Variants in PFKFB1 observed in about 807,000 individuals in gnomAD.
The protein encoded by PFKFB1 is 6-phosphofructo-2-kinase/fructose-2,6-biphosphatase 1.
Under a neutral mutation model 46.4 loss-of-function variants are expected in PFKFB1, and 34 were observed. That is an observed-to-expected ratio of 0.73 (90% CI 0.56 to 0.98). The LOEUF (loss-of-function observed/expected upper bound fraction) is 0.98, where lower values mean the gene tolerates loss of function less well. Ranked by LOEUF, PFKFB1 falls within the 50% of genes least tolerant of loss-of-function variation. PFKFB1 has a pLI of 0.00. For missense variants in PFKFB1, 393 were observed against 376.3 expected, an observed-to-expected ratio of 1.04 and a Z score of -0.37; for synonymous variants, 119 against 133.8, an observed-to-expected ratio of 0.89 and a Z score of 0.76.
rs184191810 is a variant in PFKFB1 at position 54,962,345 on chromosome X, G to A, written c.223+912C>T. Among the ~76,000 whole-genome samples, 100 of 112,034 alleles carry A rather than the reference G, an allele frequency of 8.9e-4. No individual in the cohort carries two copies. In the East Asian group the frequency reaches 0.014, roughly 16 times the overall value. The stretch of plus-strand genomic sequence containing the variant: ...TGTAGGAAGCTTTCCTTGCCTTCCA[G>A]TTGGCATATCCCTTTGTGATTTCAT... On this transcript the variant is annotated intron_variant, in intron 2 of 13. Transcript: ENST00000375006.
At chrX:54,933,496 A>G in intron 13 of PFKFB1, 34 bp from the exon 14 acceptor site, 3 of 1,109,217 alleles carry the variant, frequency 2.7e-6, no homozygotes, top group Non-Finnish European at 3.7e-6. Flanking sequence ...TAGGAAGGAG[A>G]CAGCAGTGCA....
intron 1 of PFKFB1, among the ~76,000 whole-genome samples, chrX:54,988,927 G>A (rs768695136): frequency 9.8e-5 from 11 of 112,137 alleles, no homozygotes; most frequent in Non-Finnish European, 2.1e-4. Flanking sequence ...GACTTTGCAT[G>A]CTACAACATG....
At chrX:54,936,967 GTT>G (rs775596246) in intron 11 of PFKFB1, among the ~76,000 whole-genome samples, 2 of 102,649 alleles carry the variant, frequency 1.9e-5, no homozygotes, top group African/African-American at 3.5e-5. Context: ...TGATATAACA[GTT>G]TTTTTTTTTT....
At chrX:54,981,287 A>C (rs1210998841) in intron 1 of PFKFB1, among the ~76,000 whole-genome samples, 1 of 111,355 alleles carries the variant, frequency 9.0e-6, no homozygotes, top group African/African-American at 3.3e-5. Context: ...GAAAAATCAT[A>C]ATAAAATTTC....
intron 1 of PFKFB1, among the ~76,000 whole-genome samples, chrX:54,979,352 C>T (rs1432236245): frequency 9.0e-6 from 1 of 111,154 alleles, no homozygotes; most frequent in African/African-American, 3.3e-5. Context: ...GTCACATTTT[C>T]CTCAAGCTCT....
At chrX:54,971,718 C>T (rs2146656749) in intron 1 of PFKFB1, among the ~76,000 whole-genome samples, 1 of 112,084 alleles carries the variant, frequency 8.9e-6, no homozygotes, top group African/African-American at 3.2e-5. Flanking sequence ...GGTACCAGTA[C>T]CATGCTGTTT....
At chrX:54,946,119 T>G (rs987344430) in intron 9 of PFKFB1, among the ~76,000 whole-genome samples, 5 of 110,841 alleles carry the variant, frequency 4.5e-5, no homozygotes, top group African/African-American at 1.6e-4. Context: ...TGTCTGTTAA[T>G]GTATATGTCC....
chrX:54,968,858 A>G (rs906537769), intron 1 of PFKFB1, among the ~76,000 whole-genome samples: 1 of 111,240 alleles, frequency 9.0e-6, no homozygotes, highest in Non-Finnish European at 1.9e-5. Flanking sequence ...AGGAAAATAC[A>G]TATCAACTTA....
At chrX:54,939,237 T>C (rs1356925638) in intron 10 of PFKFB1, among the ~76,000 whole-genome samples, 5 of 110,901 alleles carry the variant, frequency 4.5e-5, no homozygotes, top group Admixed American at 3.8e-4. Context: ...GGGACACATT[T>C]AAAGCAGTGT....
At chrX:54,958,418 G>T in intron 5 of PFKFB1, 56 bp from the exon 6 acceptor site, 1 of 746,734 alleles carries the variant, frequency 1.3e-6, no homozygotes, top group Non-Finnish European at 2.1e-6. Flanking sequence ...GGTAGGAGCT[G>T]AACATAGCTT....
At position 54,994,101 on chromosome X, in the gene PFKFB1, C is replaced by A; in HGVS notation, c.-94G>T. The A allele has an allele frequency of 8.8e-7, 1 of 1,140,395 alleles. No individual in the cohort carries two copies. The highest frequency in any genetic ancestry group is 1.8e-5 in the African/African-American group (1 of 55,979). The allele number at this position is 1,140,395 out of a possible 1,213,427, so 94.0% of individuals were successfully genotyped here. A position where few individuals can be genotyped will look rare whatever the true frequency, so the allele number is the denominator to read the frequency against. Reference sequence around the variant, plus strand: ...GTCTTTTCTCTCGCTGTGGCCACAGCAGCAGGTGGACAGGGCTGGGACAGG... The same window carrying A: ...GTCTTTTCTCTCGCTGTGGCCACAGAAGCAGGTGGACAGGGCTGGGACAGG... On this transcript the variant is annotated 5_prime_UTR_variant, in exon 1 of 14. Transcript: ENST00000375006.
chrX:54,960,036 C>A, intron 3 of PFKFB1, 143 bp from the exon 4 acceptor site: 1 of 501,404 alleles, frequency 2.0e-6, no homozygotes, highest in Admixed American at 3.1e-5. Context: ...GGGTGCCCTA[C>A]GCTTTAGGCA....
chrX:54,942,321 A>G (rs1262521608), intron 10 of PFKFB1, among the ~76,000 whole-genome samples: 4 of 111,479 alleles, frequency 3.6e-5, no homozygotes, highest in African/African-American at 9.8e-5. Context: ...GCAGCACACC[A>G]GCATGGCACA....
intron 1 of PFKFB1, among the ~76,000 whole-genome samples, chrX:54,973,808 T>C (rs897768762): frequency 5.4e-5 from 6 of 111,630 alleles, no homozygotes; most frequent in African/African-American, 1.6e-4. Context: ...GGAAAAAATG[T>C]ATATTCTGTT....
chrX:54,950,531 C>T (rs762414730), intron 8 of PFKFB1, among the ~76,000 whole-genome samples: 3 of 111,776 alleles, frequency 2.7e-5, no homozygotes, highest in Non-Finnish European at 3.8e-5. Context: ...GTCAAGGTGG[C>T]GCCAGCTGTG....
chrX:54,965,985 G>T (rs953388330), intron 1 of PFKFB1, among the ~76,000 whole-genome samples: 1 of 109,020 alleles, frequency 9.2e-6, no homozygotes, highest in Admixed American at 9.8e-5. Context: ...ATGAAAGGCA[G>T]AAAAAAAGAG....
At chrX:54,978,569 C>G (rs1934894690) in intron 1 of PFKFB1, among the ~76,000 whole-genome samples, 3 of 111,629 alleles carry the variant, frequency 2.7e-5, no homozygotes, top group Non-Finnish European at 3.8e-5. Flanking sequence ...ACTTCTCCCT[C>G]TAGGGGGTGG....
At position 54,945,449 on chromosome X, in the gene PFKFB1, G is replaced by A. The variant is rs1933774053; in HGVS notation, c.1088C>T (p.Pro363Leu). 1 of 1,183,718 alleles carries A rather than the reference G, an allele frequency of 8.4e-7. No homozygotes were observed. The highest frequency in any genetic ancestry group is 3.0e-5 in the East Asian group (1 of 33,571). ...CCCCGCAAACCTTACCTCTCCCTTG[G>A]GATAGCGGTAGCGATATTTATCTTG... ...RDQDKYRYRY[P>L]KGESYEDLVQ... The change falls in exon 10 of 14, where the codon CCC becomes CTC. Residue 363 changes from proline (P) to leucine (L), a missense_variant. Physicochemically the swap from Pro to Leu is moderately conservative, Grantham distance 98 (BLOSUM62 -3). Transcript: ENST00000375006.
Position 54,960,846 on chromosome X carries a change from T to C in PFKFB1, c.295A>G (p.Met99Val), listed in dbSNP as rs1461592038. The change falls in exon 3 of 14, where the codon ATG becomes GTG. Residue 99 changes from methionine to valine, a missense_variant. By Grantham distance (21) the Met-to-Val change is conservative. Coordinates refer to ENST00000375006, the MANE Select transcript of PFKFB1 (RefSeq NM_002625.4). ...TACTTCCTGATTTGCAGGGCTTCCA[T>C]GTTGTCTGGAAGAAAGAATTCATAG... ...KNYEFFLPDN[M>V]EALQIRKQCA... 2.5e-6 allele frequency: 3 copies of C among 1,182,326 alleles called. No homozygotes were observed. The highest frequency in any genetic ancestry group is 2.2e-5 in the Admixed American group (1 of 45,260).
Sources: gnomAD v4.1 joint callset for allele counts (sites outside exome capture counted in the v4.1 genomes callset) on GRCh38, gnomAD v4.1.1 for gene constraint, MANE v1.5 for transcripts, NCBI Gene and HGNC (gene_info 2026-07-23, HGNC 2026-07-21) for gene names.